PACSIN2: variants seen among roughly 807,000 people sequenced by gnomAD.
The protein encoded by PACSIN2 is protein kinase C and casein kinase substrate in neurons protein 2.
In PACSIN2, 25 loss-of-function variants were observed where a neutral mutation model predicts 63.8. The ratio of observed to expected loss-of-function variants is 0.39; its 90% confidence interval spans 0.29 to 0.55. The LOEUF (loss-of-function observed/expected upper bound fraction) is 0.55, where lower values mean the gene tolerates loss of function less well. Among genes scored for constraint, PACSIN2 ranks in the 20% least tolerant of loss-of-function variants. The pLI is 0.62. For missense variants in PACSIN2, 518 were observed against 646.9 expected (o/e 0.80, Z 2.16); for synonymous variants, 255 against 256.2 (o/e 1.00, Z 0.05).
At chr22:42,963,125 T>G (rs1384988921) in intron 1 of PACSIN2, among the ~76,000 whole-genome samples, 1 of 152,220 alleles carries the variant, frequency 6.6e-6, no homozygotes. Context: ...TGGAAACCAT[T>G]GGACATTCAT....
intron 1 of PACSIN2, among the ~76,000 whole-genome samples, chr22:42,996,530 G>A (rs1447147927): frequency 1.6e-5 from 1 of 62,720 alleles, no homozygotes; most frequent in Middle Eastern, 8.6e-3. Flanking sequence ...AGACTCTGCC[G>A]CAAAAAAAAA....
rs531008294 is a variant in PACSIN2, at chr22:42,944,286, G to A, written c.-77-32129C>T. Among the ~76,000 whole-genome samples the A allele has an allele frequency of 4.6e-5, 7 of 152,316 alleles. No individual in the cohort carries two copies. In the East Asian group the frequency reaches 1.3e-3, roughly 29 times the overall value. On this transcript the variant is annotated intron_variant, in intron 1 of 10. Transcript: ENST00000263246. ...CATTTGTGTTAGGCTAAGTCTCTGA[G>A]ACTTGGGGTTTGCTTGTTACTGCAA... is the stretch of plus-strand genomic sequence containing the variant.
chr22:43,000,128 G>GC (rs1923672523), intron 1 of PACSIN2, among the ~76,000 whole-genome samples: 1 of 152,194 alleles, frequency 6.6e-6, no homozygotes, highest in Non-Finnish European at 1.5e-5. Context: ...GGCACTTGTA[G>GC]CCCCAATGGA....
chr22:42,896,345 ACTCTTTCTTACT>A, intron 2 of PACSIN2, among the ~76,000 whole-genome samples: 2 of 54,920 alleles, frequency 3.6e-5, no homozygotes, highest in Admixed American at 1.8e-4. Context: ...TCAGAAGGTC[ACTCTTTCTTACT>A]GCTAAGTAGT....
intron 1 of PACSIN2, among the ~76,000 whole-genome samples, chr22:42,938,982 G>A (rs1006951307): frequency 6.6e-6 from 1 of 152,208 alleles, no homozygotes; most frequent in African/African-American, 2.4e-5. Flanking sequence ...ACAAGCTGAT[G>A]ACCAGCCATC....
Position 42,871,825 on chromosome 22 carries a change from G to T in PACSIN2, c.1349-356C>A, listed in dbSNP as rs4822211. ...TCCCTCGGTTGTGCCCCTCCCTCAC[G>T]TTGGGCCTCTTCTGTCCCCTCCCCA... On this transcript the variant is annotated intron_variant, in intron 10 of 10. Transcript: ENST00000263246. The surrounding 1 kb of genome is among the most constrained non-coding windows in gnomAD (Gnocchi z 5.4). 0.38 allele frequency among the ~76,000 whole-genome samples: 57,739 copies of T among 151,672 alleles called. 11,733 individuals are homozygous for T. The highest frequency in any genetic ancestry group is 0.45 in the Non-Finnish European group (30,877 of 67,870).
chr22:42,889,645 G>T (rs1027945596), intron 4 of PACSIN2, among the ~76,000 whole-genome samples: 1 of 152,096 alleles, frequency 6.6e-6, no homozygotes, highest in Non-Finnish European at 1.5e-5. Flanking sequence ...GCAGCGCAAG[G>T]CCAGAGAACA....
intron 7 of PACSIN2, among the ~76,000 whole-genome samples, chr22:42,881,685 G>C (rs181979441): frequency 5.3e-5 from 8 of 152,242 alleles, no homozygotes; most frequent in Admixed American, 5.2e-4. Context: ...GGGAAAAGAA[G>C]AACATTCATT....
chr22:42,944,458 C>T (rs994139788), intron 1 of PACSIN2, among the ~76,000 whole-genome samples: 2 of 152,160 alleles, frequency 1.3e-5, no homozygotes, highest in African/African-American at 2.4e-5. Context: ...CAGAAATGTA[C>T]TCTAACATTG....
chr22:42,986,366 G>C (rs534235033), intron 1 of PACSIN2, among the ~76,000 whole-genome samples: 1 of 152,150 alleles, frequency 6.6e-6, no homozygotes, highest in Admixed American at 6.5e-5. Flanking sequence ...GAAAACACTC[G>C]TGAGTATCAA....
In PACSIN2 at chr22:42,893,596, C is replaced by T; in HGVS notation, c.78G>A (p.Arg26=). The change falls in exon 3 of 11, where the codon CGG becomes CGA. Residue 26 remains arginine, a synonymous_variant. Coordinates refer to ENST00000263246, the MANE Select transcript of PACSIN2 (RefSeq NM_001184970.3). The part of the protein sequence containing the change: ...DSFWEVGNYK[R]TVKRIDDGHR... ...GGCCATCGTCGATCCGCTTCACAGT[C>T]CGCTTGTAGTTCCCGACCTAGGAGA... 1.2e-6 allele frequency: 2 copies of T among 1,614,030 alleles called. No homozygotes were observed. Among genetic ancestry groups the T allele is most frequent in the Non-Finnish European group, 8.5e-7 (1 of 1,179,938 alleles).
intron 1 of PACSIN2, among the ~76,000 whole-genome samples, chr22:42,971,975 C>T (rs1021581662): frequency 2.7e-5 from 4 of 149,498 alleles, no homozygotes; most frequent in Admixed American, 2.7e-4. Context: ...GGTGAGGAGC[C>T]CCTCTGCCCG....
chr22:42,922,187 TCAGAGGTTAA>T (rs1438153080), intron 1 of PACSIN2, among the ~76,000 whole-genome samples: 2 of 152,178 alleles, frequency 1.3e-5, no homozygotes, highest in Non-Finnish European at 2.9e-5. Context: ...GTGCAGAGTC[TCAGAGGTTAA>T]CAGAGGTTGC....
chr22:42,893,346 C>T (rs2146675979), intron 3 of PACSIN2, 111 bp downstream of exon 3: 2 of 1,157,214 alleles, frequency 1.7e-6, no homozygotes, highest in Non-Finnish European at 2.5e-6. Context: ...GCACTCTTGC[C>T]CCAATCTTAA....
In PACSIN2 at chr22:42,882,563, C is replaced by T. The variant is rs561785560; in HGVS notation, c.786-259G>A. Among the ~76,000 whole-genome samples, 111 of 152,340 alleles carry T rather than the reference C, an allele frequency of 7.3e-4. No individual in the cohort carries two copies. The South Asian group carries it at 0.012, about 17-fold the overall frequency. On this transcript the variant is annotated intron_variant, in intron 6 of 10. Transcript: ENST00000263246. ...TAAGCCCTGCTCTGTGTCACATATG[C>T]AAAAGGCACCAGCAGGTGGGCTGTG... is the stretch of plus-strand genomic sequence containing the variant.
At chr22:42,915,402 A>G (rs1406486924) in intron 1 of PACSIN2, among the ~76,000 whole-genome samples, 4 of 152,210 alleles carry the variant, frequency 2.6e-5, no homozygotes, top group African/African-American at 9.6e-5. Context: ...GGAAAGGCCC[A>G]TACTTATTCA....
chr22:42,991,812 C>CAA (rs58208243), intron 1 of PACSIN2, among the ~76,000 whole-genome samples: 8 of 119,828 alleles, frequency 6.7e-5, no homozygotes, highest in South Asian at 2.6e-4. Flanking sequence ...TATCCACAGA[C>CAA]AAAAAAAAAA....
At chr22:42,932,543 C>T (rs1178568848) in intron 1 of PACSIN2, among the ~76,000 whole-genome samples, 1 of 152,076 alleles carries the variant, frequency 6.6e-6, no homozygotes, top group Non-Finnish European at 1.5e-5. Flanking sequence ...AATGGTGGGA[C>T]AGTAAAGTGT....
chr22:42,921,820 C>A (rs1267457133), intron 1 of PACSIN2, among the ~76,000 whole-genome samples: 1 of 151,728 alleles, frequency 6.6e-6, no homozygotes, highest in Non-Finnish European at 1.5e-5. Context: ...CTCACTGCAA[C>A]CTCCGTCTCC....
Sources: allele counts gnomAD v4.1 joint callset (sites outside exome capture counted in the v4.1 genomes callset), GRCh38; gene constraint gnomAD v4.1.1; non-coding constraint Gnocchi (gnomAD v3.1); transcripts MANE v1.5; gene names NCBI Gene and HGNC (gene_info 2026-07-23, HGNC 2026-07-21).